The following CSMD1 variants were observed in gnomAD, a reference collection of about 807,000 sequenced individuals.
CSMD1 encodes the protein CUB and sushi domain-containing protein 1.
CSMD1 carries 213 observed loss-of-function variants against 417.5 expected under a neutral mutation model. That is an observed-to-expected ratio of 0.51 (90% confidence interval 0.46 to 0.57). The LOEUF is 0.57. Among genes scored for constraint, CSMD1 ranks in the 20% least tolerant of loss-of-function variants. CSMD1 has a pLI of 0.00. For synonymous variants in CSMD1, 2,862 were observed against 1,736.8 expected (o/e 1.65, Z -16.11); for missense variants, 6,923 against 4,529.7 (o/e 1.53, Z -15.17).
chr8:3,999,860 G>A (rs984613008), intron 4 of CSMD1, among the ~76,000 whole-genome samples: 1 of 152,134 alleles, frequency 6.6e-6, no homozygotes, highest in Non-Finnish European at 1.5e-5. Context: ...TCCAAAGCAC[G>A]TGACGTTGTG....
intron 3 of CSMD1, among the ~76,000 whole-genome samples, chr8:4,145,890 G>C (rs757160228): frequency 2.0e-5 from 3 of 151,014 alleles, no homozygotes; most frequent in African/African-American, 5.0e-5. Context: ...ATCATGTCTT[G>C]CTCAATGCTC....
intron 3 of CSMD1, among the ~76,000 whole-genome samples, chr8:4,141,297 T>C (rs771797463): frequency 9.3e-5 from 14 of 151,110 alleles, no homozygotes; most frequent in Non-Finnish European, 1.6e-4. Flanking sequence ...AAATCCGTAA[T>C]TCCCAAGATG....
chr8:3,247,977 C>T (rs186344425), intron 26 of CSMD1, among the ~76,000 whole-genome samples: 4 of 152,228 alleles, frequency 2.6e-5, no homozygotes, highest in Admixed American at 1.3e-4. Context: ...ATCTGCAGGT[C>T]GCCAATTGTT....
chr8:4,534,962 C>T (rs2130482004), intron 2 of CSMD1, among the ~76,000 whole-genome samples: 1 of 152,230 alleles, frequency 6.6e-6, no homozygotes, highest in South Asian at 2.1e-4. Context: ...GGGGTTTCCC[C>T]ATGTTAGCCA....
In CSMD1 at chr8:3,181,218, TA is replaced by T. The variant is rs1254421517; in HGVS notation, c.5621-5del. 1 of 1,595,958 alleles carries T rather than the reference TA, an allele frequency of 6.3e-7. No homozygotes were observed. Among genetic ancestry groups the T allele is most frequent in the Non-Finnish European group, 8.6e-7 (1 of 1,163,936 alleles). On this transcript the variant is annotated splice_region_variant and splice_polypyrimidine_tract_variant and intron_variant, in intron 36 of 69. Transcript: ENST00000635120. ...AGCAGTGCCGGTACTGTGGTGCCTG[TA>T]AGAAACAATGCAGATAGAATTGTAA... is the stretch of plus-strand genomic sequence containing the variant.
chr8:3,576,432 C>T (rs77272687), intron 9 of CSMD1, among the ~76,000 whole-genome samples: 2,651 of 152,102 alleles, frequency 0.017, 81 homozygotes, highest in African/African-American at 0.059. Flanking sequence ...TTTACCTGTC[C>T]CTCCTCAGCA....
At chr8:4,416,985 G>A (rs559298643) in intron 3 of CSMD1, among the ~76,000 whole-genome samples, 52 of 152,136 alleles carry the variant, frequency 3.4e-4, no homozygotes, top group Middle Eastern at 6.8e-3. Context: ...AGACAGCTAT[G>A]CAACTATGTT....
At chr8:4,139,447 C>T (rs560877477) in intron 3 of CSMD1, among the ~76,000 whole-genome samples, 1 of 144,426 alleles carries the variant, frequency 6.9e-6, no homozygotes, top group Non-Finnish European at 1.5e-5. Flanking sequence ...AGACTCTATG[C>T]CTGCCCTGGA....
chr8:3,128,180 A>G (rs1379380703), intron 41 of CSMD1: 1 of 152,214 alleles, frequency 6.6e-6, no homozygotes, highest in Non-Finnish European at 1.5e-5. Flanking sequence ...TAGATCTGAA[A>G]AAAATAACTA....
intron 18 of CSMD1, among the ~76,000 whole-genome samples, chr8:3,385,666 T>A (rs1810963124): frequency 6.6e-6 from 1 of 152,200 alleles, no homozygotes; most frequent in Admixed American, 6.6e-5. Flanking sequence ...CGGTTCTCTG[T>A]ATATTTATGA....
intron 2 of CSMD1, among the ~76,000 whole-genome samples, chr8:4,529,964 G>C (rs1181752704): frequency 6.6e-6 from 1 of 151,714 alleles, no homozygotes; most frequent in East Asian, 1.9e-4. Flanking sequence ...ACCCAGGCTG[G>C]AGTGCAGTGG....
At chr8:3,879,141 T>A (rs1806034840) in intron 5 of CSMD1, among the ~76,000 whole-genome samples, 1 of 152,202 alleles carries the variant, frequency 6.6e-6, no homozygotes, top group South Asian at 2.1e-4. Context: ...CATTTTGTTT[T>A]ATTAGTACTA....
chr8:4,924,999 C>A (rs1203630146), intron 1 of CSMD1, among the ~76,000 whole-genome samples: 1 of 151,898 alleles, frequency 6.6e-6, no homozygotes, highest in African/African-American at 2.4e-5. Context: ...ATAAATACCT[C>A]CAATAAATAT....
chr8:4,546,497 A>C (rs906730679), intron 2 of CSMD1, among the ~76,000 whole-genome samples: 1 of 152,198 alleles, frequency 6.6e-6, no homozygotes, highest in African/African-American at 2.4e-5. Flanking sequence ...AGAACAAAAG[A>C]TAAACGGTGA....
At chr8:4,853,855 G>C (rs1801630939) in intron 1 of CSMD1, among the ~76,000 whole-genome samples, 2 of 152,196 alleles carry the variant, frequency 1.3e-5, no homozygotes, top group African/African-American at 2.4e-5. Context: ...AGTGTGACCT[G>C]GATGCAGGAC....
chr8:3,647,970 G>A (rs561835121), intron 7 of CSMD1, among the ~76,000 whole-genome samples: 2 of 152,214 alleles, frequency 1.3e-5, no homozygotes, highest in Non-Finnish European at 2.9e-5. Context: ...GATGCTTGCT[G>A]TAAACAGCAG....
intron 5 of CSMD1, among the ~76,000 whole-genome samples, chr8:3,800,688 A>G (rs992887400): frequency 6.6e-6 from 1 of 152,192 alleles, no homozygotes; most frequent in Non-Finnish European, 1.5e-5. Context: ...CGTGGGAGTG[A>G]GTGAGTTCTT....
At chr8:3,547,668 C>A (rs1798731919) in intron 10 of CSMD1, among the ~76,000 whole-genome samples, 1 of 152,042 alleles carries the variant, frequency 6.6e-6, no homozygotes, top group Non-Finnish European at 1.5e-5. Context: ...TTTAAATATA[C>A]TACAACCTTT....
chr8:4,203,638 A>G (rs902896042), intron 3 of CSMD1, among the ~76,000 whole-genome samples: 4 of 152,148 alleles, frequency 2.6e-5, no homozygotes, highest in Non-Finnish European at 2.9e-5. Flanking sequence ...GGGGGTGGAC[A>G]CTACACACAT....
Sources: gnomAD v4.1 joint callset for allele counts (sites outside exome capture counted in the v4.1 genomes callset) on GRCh38, gnomAD v4.1.1 for gene constraint, MANE v1.5 for transcripts, NCBI Gene and HGNC (gene_info 2026-07-23, HGNC 2026-07-21) for gene names.